The following PCDHGA11 variants were observed in gnomAD, a reference collection of about 807,000 sequenced individuals.
PCDHGA11 encodes the protein protocadherin gamma-A11.
A neutral mutation model predicts 60.4 loss-of-function variants in PCDHGA11; 39 were observed. The ratio of observed to expected loss-of-function variants is 0.65; its 90% CI spans 0.50 to 0.84. The LOEUF is 0.84. Among genes scored for constraint, PCDHGA11 ranks in the 40% least tolerant of loss-of-function variants. PCDHGA11 has a pLI of 0.00. For synonymous variants in PCDHGA11, 533 were observed against 510.3 expected (o/e 1.04, Z -0.60); for missense variants, 1,165 against 1,197.7 (o/e 0.97, Z 0.40).
intron 1 of PCDHGA11, among the ~76,000 whole-genome samples, chr5:141,455,890 T>G (rs1055285369): frequency 1.3e-5 from 2 of 149,264 alleles, no homozygotes; most frequent in African/African-American, 2.4e-5. Flanking sequence ...TTTATTTATT[T>G]ATTTATTTAT....
In PCDHGA11 at chr5:141,476,335, C is replaced by A; in HGVS notation, c.2434-18472C>A. On this transcript the variant is annotated intron_variant, in intron 1 of 3. Coordinates refer to ENST00000398587, the MANE Select transcript of PCDHGA11 (RefSeq NM_018914.3). The surrounding 1 kb of genome is among the most constrained non-coding windows in gnomAD (Gnocchi z 7.6). Reference sequence around the variant, plus strand: ...GGTTCCGGGTGGTGTCTGGAGCTAGCCGAAGATTCTTTGAGGTGAACCGGG... The same window carrying A: ...GGTTCCGGGTGGTGTCTGGAGCTAGACGAAGATTCTTTGAGGTGAACCGGG... 2 of 1,614,120 alleles carry A rather than the reference C, an allele frequency of 1.2e-6. No individual in the cohort carries two copies. Among genetic ancestry groups the A allele is most frequent in the Non-Finnish European group, 1.7e-6 (2 of 1,180,026 alleles).
chr5:141,509,067 C>T (rs987332283), intron 3 of PCDHGA11, among the ~76,000 whole-genome samples: 1 of 152,132 alleles, frequency 6.6e-6, no homozygotes, highest in African/African-American at 2.4e-5. Flanking sequence ...CTCTCAGCTC[C>T]GGGGATTTGC....
intron 1 of PCDHGA11, chr5:141,427,535 C>T (rs746067304): frequency 8.0e-6 from 5 of 626,498 alleles, no homozygotes; most frequent in South Asian, 7.6e-5. Flanking sequence ...CGGAGTACAA[C>T]GTCACCATCA....
In PCDHGA11 at chr5:141,422,606, C is replaced by T; in HGVS notation, c.1379C>T (p.Ala460Val). The T allele has an allele frequency of 6.2e-7, 1 of 1,613,904 alleles. No homozygotes were observed. The highest frequency in any genetic ancestry group is 8.5e-7 in the Non-Finnish European group (1 of 1,179,914). ...GTTTTTCCTCACTCCTCTTACTCTG[C>T]CTACATTCCCGAAAACAACCCCAGG... ...PPVFPHSSYS[A>V]YIPENNPRGA... The change falls in exon 1 of 4, where the codon GCC becomes GTC. Residue 460 changes from alanine to valine, a missense_variant. Physicochemically the swap from Ala to Val is moderately conservative, Grantham distance 64. Transcript: ENST00000398587.
chr5:141,495,900 G>A (rs1403705200), intron 2 of PCDHGA11, among the ~76,000 whole-genome samples: 2 of 151,894 alleles, frequency 1.3e-5, no homozygotes, highest in East Asian at 1.9e-4. Context: ...CTTTGTCTCT[G>A]TCTCTGTATA....
Position 141,466,657 on chromosome 5 carries a change from C to T in PCDHGA11, c.2434-28150C>T, listed in dbSNP as rs143657719. Among the ~76,000 whole-genome samples the T allele has an allele frequency of 1.4e-3, 211 of 152,280 alleles. 1 individual carries two copies. The highest frequency in any genetic ancestry group is 4.7e-3 in the African/African-American group (197 of 41,542). On this transcript the variant is annotated intron_variant, in intron 1 of 3. Transcript: ENST00000398587. ...TCTCCATAAACTTTTCACAAAACAT[C>T]AGTGATTTCACCGTTCTTCCACTCA...
In PCDHGA11 at chr5:141,422,754, C is replaced by T; in HGVS notation, c.1527C>T (p.Asn509=). The part of the protein sequence containing the change: ...GVPLSSYVSI[N]SNTGVLYALQ... ...CTCTGTCCTCCTATGTCTCTATTAA[C>T]TCCAACACTGGTGTTCTCTATGCCC... is the stretch of plus-strand genomic sequence containing the variant. Residue 509 remains asparagine (N), a synonymous_variant, in exon 1 of 4, where the codon AAC becomes AAT. Coordinates refer to ENST00000398587, the MANE Select transcript of PCDHGA11 (RefSeq NM_018914.3). 2 of 1,612,450 alleles carry T rather than the reference C, an allele frequency of 1.2e-6. No homozygotes were observed. Among genetic ancestry groups the T allele is most frequent in the Non-Finnish European group, 1.7e-6 (2 of 1,178,994 alleles).
chr5:141,489,991 A>G lies in PCDHGA11; in HGVS notation c.2434-4816A>G, dbSNP rs1157441385. On this transcript the variant is annotated intron_variant, in intron 1 of 3. Coordinates refer to ENST00000398587, the MANE Select transcript of PCDHGA11 (RefSeq NM_018914.3). The surrounding 1 kb of genome is among the most constrained non-coding windows in gnomAD (Gnocchi z 4.5). Reference sequence around the variant, plus strand: ...CCAATCCTCAGTTCTACGTGTGGGAATCCCAGAGAATGCACCCATTGGTAC... The same window carrying G: ...CCAATCCTCAGTTCTACGTGTGGGAGTCCCAGAGAATGCACCCATTGGTAC... The G allele has an allele frequency of 6.2e-7, 1 of 1,614,228 alleles. No individual in the cohort carries two copies. Among genetic ancestry groups the G allele is most frequent in the South Asian group, 1.1e-5 (1 of 91,090 alleles).
Position 141,422,694 on chromosome 5 carries a change from T to C in PCDHGA11, c.1467T>C (p.Thr489=). The C allele has an allele frequency of 6.2e-7, 1 of 1,603,912 alleles. No homozygotes were observed. Among genetic ancestry groups the C allele is most frequent in the Non-Finnish European group, 8.5e-7 (1 of 1,174,696 alleles). The change falls in exon 1 of 4, where the codon ACT becomes ACC. Residue 489 remains threonine, a synonymous_variant. Transcript: ENST00000398587. ...ACAGCAAACAGAATGCCCTGGTCACTTACTCTCTGACGGATGACACTGTCC... is the reference window on the plus strand; with the variant it reads ...ACAGCAAACAGAATGCCCTGGTCACCTACTCTCTGACGGATGACACTGTCC... ...DPDSKQNALV[T]YSLTDDTVQG...
Position 141,432,694 on chromosome 5 carries a change from C to A in PCDHGA11, c.2433+9034C>A. 1 of 1,613,936 alleles carries A rather than the reference C, an allele frequency of 6.2e-7. No homozygotes were observed. The highest frequency in any genetic ancestry group is 8.5e-7 in the Non-Finnish European group (1 of 1,179,964). On this transcript the variant is annotated intron_variant, in intron 1 of 3. Transcript: ENST00000398587. This position sits in a 1 kb window ranked among gnomAD's most constrained non-coding sequence, Gnocchi z 6.0. Reference sequence around the variant, plus strand: ...CGCTCAAGCAGAGCCTCGTAGTGGCCGTCCAGGACCACGGCCAGCCCCCTC... The same window carrying A: ...CGCTCAAGCAGAGCCTCGTAGTGGCAGTCCAGGACCACGGCCAGCCCCCTC...
At chr5:141,492,954 A>G (rs2099745299) in intron 1 of PCDHGA11, among the ~76,000 whole-genome samples, 1 of 152,212 alleles carries the variant, frequency 6.6e-6, no homozygotes, top group Non-Finnish European at 1.5e-5. Context: ...TGACCAAACT[A>G]TCTGACACTC....
Position 141,485,813 on chromosome 5 carries a change from G to A in PCDHGA11, c.2434-8994G>A. The A allele has an allele frequency of 1.9e-6, 3 of 1,614,078 alleles. No individual in the cohort carries two copies. Among genetic ancestry groups the A allele is most frequent in the Non-Finnish European group, 2.5e-6 (3 of 1,180,008 alleles). On this transcript the variant is annotated intron_variant, in intron 1 of 3. Coordinates refer to ENST00000398587, the MANE Select transcript of PCDHGA11 (RefSeq NM_018914.3). This position sits in a 1 kb window ranked among gnomAD's most constrained non-coding sequence, Gnocchi z 5.7. ...ATCGGACTACCGCCTGGTGCTGACT[G>A]CTGTCGATGGAGGGAACCCGCCGAG... is the stretch of plus-strand genomic sequence containing the variant.
At chr5:141,444,152 A>ATTTTT (rs747671382) in intron 1 of PCDHGA11, among the ~76,000 whole-genome samples, 10 of 33,898 alleles carry the variant, frequency 3.0e-4, no homozygotes, top group Middle Eastern at 0.019. Context: ...TGTGTACTGG[A>ATTTTT]TTTTTTTTTT....
At chr5:141,473,810 G>A (rs549204595) in intron 1 of PCDHGA11, among the ~76,000 whole-genome samples, 1 of 152,334 alleles carries the variant, frequency 6.6e-6, no homozygotes, top group South Asian at 2.1e-4. Flanking sequence ...CTGAGGAGCA[G>A]CTGGACAATT....
At chr5:141,484,155 T>G (rs2099592564) in intron 1 of PCDHGA11, among the ~76,000 whole-genome samples, 1 of 152,224 alleles carries the variant, frequency 6.6e-6, no homozygotes, top group Non-Finnish European at 1.5e-5. Context: ...GTAGGCACAA[T>G]GCTGTTGGTA....
At chr5:141,471,046 C>CTTT (rs1170588345) in intron 1 of PCDHGA11, among the ~76,000 whole-genome samples, 3 of 113,252 alleles carry the variant, frequency 2.6e-5, no homozygotes, top group Non-Finnish European at 5.4e-5. Context: ...CCCAAGCCCT[C>CTTT]TTTTTTTTTT....
In PCDHGA11 at chr5:141,490,925, C is replaced by T; in HGVS notation, c.2434-3882C>T. 1 of 1,613,688 alleles carries T rather than the reference C, an allele frequency of 6.2e-7. No homozygotes were observed. The highest frequency in any genetic ancestry group is 8.5e-7 in the Non-Finnish European group (1 of 1,179,700). On this transcript the variant is annotated intron_variant, in intron 1 of 3. Coordinates refer to ENST00000398587, the MANE Select transcript of PCDHGA11 (RefSeq NM_018914.3). The surrounding 1 kb of genome is among the most constrained non-coding windows in gnomAD (Gnocchi z 5.4). ...GTCCTAGACGAGAATGATAATGCCC[C>T]AGCTGTGCTGCACCCACGGCCAGAC... is the stretch of plus-strand genomic sequence containing the variant.
intron 3 of PCDHGA11, among the ~76,000 whole-genome samples, chr5:141,509,381 C>T (rs181928019): frequency 6.6e-6 from 1 of 152,256 alleles, no homozygotes; most frequent in East Asian, 1.9e-4. Flanking sequence ...TGTCTCCTAA[C>T]CACAGAGGAT....
Position 141,432,016 on chromosome 5 carries a change from C to T in PCDHGA11, c.2433+8356C>T, listed in dbSNP as rs771650925. The T allele has an allele frequency of 1.2e-6, 2 of 1,614,202 alleles. No homozygotes were observed. The highest frequency in any genetic ancestry group is 3.3e-5 in the Admixed American group (2 of 60,030). On this transcript the variant is annotated intron_variant, in intron 1 of 3. Coordinates refer to ENST00000398587, the MANE Select transcript of PCDHGA11 (RefSeq NM_018914.3). This position sits in a 1 kb window ranked among gnomAD's most constrained non-coding sequence, Gnocchi z 6.0. ...ATAGGGAACAGGTTCCTAGCTACAA[C>T]ATCACAGTGACCGCCACTGACCGGG...
Sources: gnomAD v4.1 joint callset for allele counts (sites outside exome capture counted in the v4.1 genomes callset) on GRCh38, gnomAD v4.1.1 for gene constraint, Gnocchi (gnomAD v3.1) non-coding constraint, MANE v1.5 for transcripts, NCBI Gene and HGNC (gene_info 2026-07-23, HGNC 2026-07-21) for gene names.